The following EYA2 variants were observed in gnomAD, a reference collection of about 807,000 sequenced individuals.
EYA2 encodes EYA transcriptional coactivator and phosphatase 2.
EYA2 carries 31 observed loss-of-function variants against 69.2 expected under a neutral mutation model. That is an observed-to-expected ratio of 0.45 (90% CI 0.34 to 0.60). The LOEUF (loss-of-function observed/expected upper bound fraction) is 0.60, where lower values mean the gene tolerates loss of function less well. Among genes scored for constraint, EYA2 ranks in the 20% least tolerant of loss-of-function variants. The probability of loss-of-function intolerance (pLI) is 0.02; values close to 1 mark genes in which losing one functional copy is unlikely to be tolerated. For synonymous variants in EYA2, 257 were observed against 279.4 expected, an observed-to-expected ratio of 0.92 and a Z score of 0.80; for missense variants, 622 against 701.2, an observed-to-expected ratio of 0.89 and a Z score of 1.28.
intron 5 of EYA2, among the ~76,000 whole-genome samples, chr20:47,066,317 G>A (rs1357475481): frequency 6.6e-6 from 1 of 152,020 alleles, no homozygotes; most frequent in Non-Finnish European, 1.5e-5. Context: ...GGGCAACAGA[G>A]TGAGACCTTG....
intron 1 of EYA2, among the ~76,000 whole-genome samples, chr20:46,957,622 T>C (rs796130061): frequency 1.1e-4 from 16 of 151,636 alleles, no homozygotes; most frequent in African/African-American, 3.6e-4. Flanking sequence ...GATGTTGGCC[T>C]TGAAGCTTGG....
chr20:47,133,386 C>G (rs3827051), intron 9 of EYA2, among the ~76,000 whole-genome samples: 3,365 of 152,240 alleles, frequency 0.022, 117 homozygotes, highest in East Asian at 0.09. Flanking sequence ...CTGAAAGACC[C>G]ATAATGGGTG....
intron 1 of EYA2, among the ~76,000 whole-genome samples, chr20:46,930,269 A>G (rs1429501866): frequency 2.0e-5 from 3 of 152,222 alleles, no homozygotes; most frequent in African/African-American, 7.2e-5. Flanking sequence ...TAACACTAAA[A>G]CTTTTAAAAA....
chr20:47,020,549 G>C (rs1255025892), intron 5 of EYA2, among the ~76,000 whole-genome samples: 2 of 151,906 alleles, frequency 1.3e-5, no homozygotes, highest in East Asian at 1.9e-4. Context: ...GGCTTCTTCT[G>C]GTAAAACACT....
At position 47,143,093 on chromosome 20, in the gene EYA2, T is replaced by C; in HGVS notation, c.923T>C (p.Met308Thr). ...TTTSVRIGLM[M>T]EEMIFNLADT... ...ACGTCCGTGCGCATTGGCCTTATGATGGAAGAGATGATCTTCAACCTTGCA... is the reference window on the plus strand; with the variant it reads ...ACGTCCGTGCGCATTGGCCTTATGACGGAAGAGATGATCTTCAACCTTGCA... Residue 308 changes from methionine to threonine, a missense_variant, in exon 10 of 16, where the codon ATG (methionine) becomes ACG (threonine). Around this residue, in one of 2 missense-constraint regions of EYA2, gnomAD observed 257 missense variants for 351.5 expected, o/e 0.73. Transcript: ENST00000327619. The C allele has an allele frequency of 1.2e-6, 2 of 1,613,964 alleles. No individual in the cohort carries two copies. Among genetic ancestry groups the C allele is most frequent in the Non-Finnish European group, 1.7e-6 (2 of 1,179,936 alleles).
At chr20:46,996,614 C>T (rs944605780) in intron 2 of EYA2, among the ~76,000 whole-genome samples, 1 of 152,164 alleles carries the variant, frequency 6.6e-6, no homozygotes, top group African/African-American at 2.4e-5. Context: ...CCATCTCACT[C>T]ACTAGACAGG....
chr20:47,183,250 C>G (rs376854177), intron 14 of EYA2, 41 bp from the exon 15 acceptor site: 22 of 1,596,530 alleles, frequency 1.4e-5, no homozygotes, highest in Middle Eastern at 3.3e-4. Flanking sequence ...AATCCGGGGT[C>G]CTCACAGAGC....
At chr20:46,992,614 T>G (rs945666739) in intron 2 of EYA2, among the ~76,000 whole-genome samples, 2 of 152,206 alleles carry the variant, frequency 1.3e-5, no homozygotes, top group African/African-American at 4.8e-5. Flanking sequence ...GGATCTTCAA[T>G]TCTCCCACAG....
intron 15 of EYA2, among the ~76,000 whole-genome samples, chr20:47,185,405 A>G (rs1203616812): frequency 1.4e-5 from 2 of 145,010 alleles, no homozygotes; most frequent in Non-Finnish European, 3.0e-5. Flanking sequence ...GGTTCAAGCG[A>G]TTCTTGTGCC....
intron 1 of EYA2, among the ~76,000 whole-genome samples, chr20:46,952,740 ACTGGCTT>A (rs1212430220): frequency 3.9e-5 from 6 of 152,174 alleles, no homozygotes; most frequent in Admixed American, 3.3e-4. Flanking sequence ...GTTCAGCCCC[ACTGGCTT>A]CCCCGGGGCA....
chr20:47,181,255 G>A (rs2146673251), intron 14 of EYA2, among the ~76,000 whole-genome samples: 1 of 152,300 alleles, frequency 6.6e-6, no homozygotes, highest in African/African-American at 2.4e-5. Flanking sequence ...AACAGACAGA[G>A]GTGAGTGATC....
intron 4 of EYA2, among the ~76,000 whole-genome samples, chr20:47,015,972 A>G (rs1041943225): frequency 6.6e-6 from 1 of 152,232 alleles, no homozygotes; most frequent in Admixed American, 6.5e-5. Context: ...TTTTAACAAA[A>G]TCAACTAATT....
chr20:46,983,734 T>C (rs1379843052), intron 1 of EYA2, among the ~76,000 whole-genome samples: 1 of 152,234 alleles, frequency 6.6e-6, no homozygotes, highest in East Asian at 1.9e-4. Flanking sequence ...ACTTTAGTAA[T>C]CCTGAACTCC....
At chr20:46,988,990 G>C (rs1981470877) in intron 1 of EYA2, among the ~76,000 whole-genome samples, 1 of 152,142 alleles carries the variant, frequency 6.6e-6, no homozygotes, top group African/African-American at 2.4e-5. Context: ...GAAGGTGTGA[G>C]CCACCATGCC....
At chr20:46,914,081 G>T (rs1310641523) in intron 1 of EYA2, among the ~76,000 whole-genome samples, 1 of 152,150 alleles carries the variant, frequency 6.6e-6, no homozygotes, top group Non-Finnish European at 1.5e-5. Context: ...GACAACAGGA[G>T]AACTCTGCAG....
rs746232737 is a variant in EYA2, at chr20:47,172,788, C to T, written c.1119C>T (p.Gly373=). ...GCCTGGGCTCTGGCGTGCACGGCGG[C>T]GTGGACTGGATGAGGAAGCTGGCCT... is the stretch of plus-strand genomic sequence containing the variant. The part of the protein sequence containing the change: ...NLCLGSGVHG[G]VDWMRKLAFR... Residue 373 remains glycine, a synonymous_variant, in exon 12 of 16, where the codon GGC becomes GGT. Coordinates refer to ENST00000327619, the MANE Select transcript of EYA2 (RefSeq NM_005244.5). 43 of 1,614,024 alleles carry T rather than the reference C, an allele frequency of 2.7e-5. No homozygotes were observed. The highest frequency in any genetic ancestry group is 1.0e-4 in the Admixed American group (6 of 60,002).
intron 1 of EYA2, among the ~76,000 whole-genome samples, chr20:46,961,379 C>T (rs768940194): frequency 5.9e-5 from 9 of 152,022 alleles, no homozygotes; most frequent in Non-Finnish European, 1.3e-4. Context: ...ATAACAAATG[C>T]TGGCAAGGAT....
At chr20:47,180,103 G>A (rs140777280) in intron 13 of EYA2, among the ~76,000 whole-genome samples, 191 bp downstream of exon 13, 5,198 of 152,140 alleles carry the variant, frequency 0.034, 305 homozygotes, top group African/African-American at 0.11. Flanking sequence ...CGTGATCTCG[G>A]CTCATCACAA....
At chr20:46,992,522 C>T (rs1320812744) in intron 2 of EYA2, among the ~76,000 whole-genome samples, 1 of 152,176 alleles carries the variant, frequency 6.6e-6, no homozygotes, top group East Asian at 1.9e-4. Context: ...AGAATCAAAC[C>T]CAGGCACTCT....
Sources: gnomAD v4.1 joint callset for allele counts (sites outside exome capture counted in the v4.1 genomes callset) on GRCh38, gnomAD v4.1.1 for gene constraint, gnomAD v4.1.1 regional missense constraint, MANE v1.5 for transcripts, NCBI Gene and HGNC (gene_info 2026-07-23, HGNC 2026-07-21) for gene names.